The following RIMS2 variants were observed in gnomAD, a reference collection of about 807,000 sequenced individuals.
RIMS2 encodes the protein regulating synaptic membrane exocytosis protein 2.
RIMS2 carries 59 observed loss-of-function variants against 174.4 expected under a neutral mutation model. The ratio of observed to expected loss-of-function variants is 0.34; its 90% CI spans 0.27 to 0.42. The LOEUF (loss-of-function observed/expected upper bound fraction) is 0.42, where lower values mean the gene tolerates loss of function less well. RIMS2 is among the 10% of genes least tolerant of loss of function. The pLI is 1.00. For synonymous variants in RIMS2, 606 were observed against 572.5 expected, an observed-to-expected ratio of 1.06 and a Z score of -0.84; for missense variants, 1,620 against 1,666.3, an observed-to-expected ratio of 0.97 and a Z score of 0.48.
At chr8:103,518,714 G>A (rs911896380) in intron 1 of RIMS2, among the ~76,000 whole-genome samples, 2 of 152,034 alleles carry the variant, frequency 1.3e-5, no homozygotes, top group African/African-American at 4.8e-5. Context: ...AAATGAGATA[G>A]TGATAGGGCC....
At chr8:103,726,928 G>A (rs779316433) in intron 2 of RIMS2, among the ~76,000 whole-genome samples, 157 of 151,032 alleles carry the variant, frequency 1.0e-3, no homozygotes, top group Middle Eastern at 3.5e-3. Flanking sequence ...TAATAGAGAC[G>A]GGGTTTCACC....
chr8:103,537,166 A>G (rs1563687126), intron 1 of RIMS2, among the ~76,000 whole-genome samples: 1 of 152,336 alleles, frequency 6.6e-6, no homozygotes, highest in South Asian at 2.1e-4. Context: ...TTTAAATAAG[A>G]AAATACATTA....
intron 2 of RIMS2, among the ~76,000 whole-genome samples, chr8:103,762,479 A>C (rs2140153850): frequency 6.6e-6 from 1 of 152,312 alleles, no homozygotes; most frequent in South Asian, 2.1e-4. Context: ...AAATTAGATA[A>C]ATTTTGTTCC....
chr8:103,948,580 A>T (rs2084413001), intron 14 of RIMS2, among the ~76,000 whole-genome samples: 1 of 152,204 alleles, frequency 6.6e-6, no homozygotes. Context: ...TACATGCAAA[A>T]GGCCATGTGT....
At chr8:103,902,419 C>T (rs1190102649) in intron 4 of RIMS2, among the ~76,000 whole-genome samples, 1 of 152,100 alleles carries the variant, frequency 6.6e-6, no homozygotes, top group Non-Finnish European at 1.5e-5. Flanking sequence ...ACTTGTGACT[C>T]ATATACAAAG....
intron 19 of RIMS2, among the ~76,000 whole-genome samples, chr8:104,191,689 A>G (rs2098998583): frequency 6.6e-6 from 1 of 152,174 alleles, no homozygotes; most frequent in Admixed American, 6.6e-5. Flanking sequence ...TGCTAATAAT[A>G]AACAATTAAA....
intron 1 of RIMS2, among the ~76,000 whole-genome samples, chr8:103,505,589 T>G (rs1235145307): frequency 2.0e-5 from 3 of 152,186 alleles, no homozygotes; most frequent in Non-Finnish European, 4.4e-5. Context: ...ATGCATTTCC[T>G]ACATGTATGA....
At chr8:104,224,436 CAT>C (rs1228574712) in intron 19 of RIMS2, among the ~76,000 whole-genome samples, 2 of 152,292 alleles carry the variant, frequency 1.3e-5, no homozygotes, top group Non-Finnish European at 2.9e-5. Flanking sequence ...AATAACATAA[CAT>C]GTATTTTCTT....
At chr8:103,964,889 G>C (rs1338646102) in intron 15 of RIMS2, among the ~76,000 whole-genome samples, 2 of 152,086 alleles carry the variant, frequency 1.3e-5, no homozygotes, top group African/African-American at 4.8e-5. Flanking sequence ...AATTGTTCCA[G>C]CACCATTTGT....
intron 15 of RIMS2, among the ~76,000 whole-genome samples, chr8:103,966,328 A>T (rs1399366694): frequency 6.6e-6 from 1 of 152,110 alleles, no homozygotes. Context: ...TGTTCAGGTT[A>T]TCTGTTTTTG....
chr8:103,962,888 A>C (rs2090612593), intron 15 of RIMS2, among the ~76,000 whole-genome samples: 1 of 152,170 alleles, frequency 6.6e-6, no homozygotes, highest in South Asian at 2.1e-4. Flanking sequence ...AATTTTGGAT[A>C]TGCTACACTT....
chr8:103,700,836 A>G (rs2097158797), intron 2 of RIMS2, among the ~76,000 whole-genome samples: 1 of 152,016 alleles, frequency 6.6e-6, no homozygotes, highest in African/African-American at 2.4e-5. Context: ...ACATATTTAA[A>G]TTATTGTTGT....
intron 19 of RIMS2, among the ~76,000 whole-genome samples, chr8:104,027,301 T>G (rs72683159): frequency 6.6e-6 from 1 of 152,118 alleles, no homozygotes; most frequent in Non-Finnish European, 1.5e-5. Context: ...TACTTGTAAA[T>G]GAATATTTCT....
At chr8:104,102,124 C>T (rs1176474194) in intron 19 of RIMS2, among the ~76,000 whole-genome samples, 2 of 152,166 alleles carry the variant, frequency 1.3e-5, no homozygotes, top group African/African-American at 2.4e-5. Context: ...CCAGATCTCC[C>T]TCCTAATTAT....
chr8:104,110,616 C>T (rs946006766), intron 19 of RIMS2, among the ~76,000 whole-genome samples: 5 of 152,094 alleles, frequency 3.3e-5, no homozygotes, highest in African/African-American at 7.2e-5. Flanking sequence ...TCTGAGAGGA[C>T]ATTTAGCTAA....
At chr8:103,981,875 AC>A (rs1439159758) in intron 16 of RIMS2, among the ~76,000 whole-genome samples, 1 of 152,166 alleles carries the variant, frequency 6.6e-6, no homozygotes, top group African/African-American at 2.4e-5. Context: ...AAGCACACCT[AC>A]AAGATCTAAA....
At chr8:103,784,945 T>C (rs1298052687) in intron 3 of RIMS2, among the ~76,000 whole-genome samples, 4 of 140,572 alleles carry the variant, frequency 2.8e-5, no homozygotes, top group Admixed American at 7.2e-5. Context: ...TTTATTTCGT[T>C]GAGCAGTGGT....
intron 2 of RIMS2, among the ~76,000 whole-genome samples, chr8:103,734,011 C>CTTCTTTT (rs1168922219): frequency 8.0e-5 from 8 of 99,912 alleles, no homozygotes; most frequent in Non-Finnish European, 1.4e-4. Flanking sequence ...CTCCTAAAAG[C>CTTCTTTT]TTCTTTTTTT....
intron 3 of RIMS2, among the ~76,000 whole-genome samples, chr8:103,855,496 T>TCTCTTAACTTTC (rs1210337979): frequency 6.6e-6 from 1 of 152,092 alleles, no homozygotes; most frequent in East Asian, 1.9e-4. Flanking sequence ...TTGTCACTTT[T>TCTCTTAACTTTC]CTCTTAACTT....
Sources: allele counts gnomAD v4.1 joint callset (sites outside exome capture counted in the v4.1 genomes callset), GRCh38; gene constraint gnomAD v4.1.1; transcripts MANE v1.5; gene names NCBI Gene and HGNC (gene_info 2026-07-23, HGNC 2026-07-21).